The following B3GALNT2 variants were observed in gnomAD, a reference collection of about 807,000 sequenced individuals.
B3GALNT2 encodes the protein beta-1,3-N-acetylgalactosaminyltransferase 2.
A neutral mutation model predicts 61.1 loss-of-function variants in B3GALNT2; 53 were observed. The observed-to-expected ratio is 0.87, with a 90% CI of 0.70 to 1.09. The LOEUF (loss-of-function observed/expected upper bound fraction) is 1.09. Among genes scored for constraint, B3GALNT2 ranks in the 50% least tolerant of loss-of-function variants. The pLI is 0.00. For missense variants in B3GALNT2, 544 were observed against 623.0 expected, an observed-to-expected ratio of 0.87 and a Z score of 1.35; for synonymous variants, 223 against 237.4, an observed-to-expected ratio of 0.94 and a Z score of 0.56.
intron 1 of B3GALNT2, among the ~76,000 whole-genome samples, chr1:235,499,088 T>C (rs1462883240): frequency 1.3e-5 from 2 of 152,112 alleles, no homozygotes; most frequent in Non-Finnish European, 2.9e-5. Context: ...CATAAACACA[T>C]AAAGGACTCA....
At chr1:235,471,075 A>T in intron 5 of B3GALNT2, 115 bp from the exon 6 acceptor site, 1 of 1,498,082 alleles carries the variant, frequency 6.7e-7, no homozygotes, top group Non-Finnish European at 8.9e-7. Context: ...ATCATTTAAA[A>T]TTTTCACCCC....
chr1:235,471,548 T>C (rs1197141064), intron 5 of B3GALNT2, among the ~76,000 whole-genome samples: 1 of 152,232 alleles, frequency 6.6e-6, no homozygotes, highest in Non-Finnish European at 1.5e-5. Flanking sequence ...TATAGGGTTA[T>C]CAGCAATGTA....
intron 4 of B3GALNT2, among the ~76,000 whole-genome samples, chr1:235,480,876 A>C (rs425017): frequency 0.34 from 44,285 of 129,082 alleles, 7,933 homozygotes; most frequent in Non-Finnish European, 0.41. Flanking sequence ...ACTGCACTCC[A>C]GCCTGGACCG....
At chr1:235,494,285 C>CAT (rs200805773) in intron 2 of B3GALNT2, among the ~76,000 whole-genome samples, 112,288 of 151,806 alleles carry the variant, frequency 0.74, 42,679 homozygotes, top group African/African-American at 0.93. Flanking sequence ...AAATACTACA[C>CAT]GTTAACCAGT....
At chr1:235,481,559 G>GTC (rs1216001110) in intron 4 of B3GALNT2, among the ~76,000 whole-genome samples, 2 of 152,016 alleles carry the variant, frequency 1.3e-5, no homozygotes, top group South Asian at 2.1e-4. Context: ...GCCTAGGCTG[G>GTC]TCTCTAACTC....
intron 1 of B3GALNT2, chr1:235,496,230 G>A (rs1471137436): frequency 8.3e-6 from 2 of 239,626 alleles, no homozygotes; most frequent in Non-Finnish European, 1.6e-5. Flanking sequence ...AGAATCTCTT[G>A]AACCCGGGAG....
At chr1:235,451,722 G>C (rs1682910846) in intron 11 of B3GALNT2, 1 of 152,204 alleles carries the variant, frequency 6.6e-6, no homozygotes, top group Non-Finnish European at 1.5e-5. Context: ...GCTCTATGCA[G>C]GGCTTCTAAC....
At position 235,494,677 on chromosome 1, in the gene B3GALNT2, C is replaced by T. The variant is rs746251253; in HGVS notation, c.260+4G>A. On this transcript the variant is annotated splice_donor_region_variant and intron_variant, in intron 2 of 11. Coordinates refer to ENST00000366600, the MANE Select transcript of B3GALNT2 (RefSeq NM_152490.5). ...CAGGCAAGGCAACAACTCAGAAAACCTACCGTTGACTTAATGTGGGATGCT... is the reference window on the plus strand; with the variant it reads ...CAGGCAAGGCAACAACTCAGAAAACTTACCGTTGACTTAATGTGGGATGCT... The T allele has an allele frequency of 6.2e-7, 1 of 1,609,528 alleles. No individual in the cohort carries two copies. The highest frequency in any genetic ancestry group is 8.5e-7 in the Non-Finnish European group (1 of 1,177,432).
At chr1:235,468,398 C>A (rs1192930646) in intron 6 of B3GALNT2, among the ~76,000 whole-genome samples, 3 of 149,518 alleles carry the variant, frequency 2.0e-5, no homozygotes. Context: ...CTCCCAAAGG[C>A]AGATCATTTG....
rs546640124 is a variant in B3GALNT2, at chr1:235,448,462, A to G, written c.*1744T>C. The G allele has an allele frequency of 3.1e-6, 5 of 1,605,588 alleles. No individual in the cohort carries two copies. The African/African-American group carries it at 5.4e-5, about 17-fold the overall frequency. On this transcript the variant is annotated 3_prime_UTR_variant, in exon 12 of 12. Transcript: ENST00000366600. ...CAAAGTAAGTTGCCCAGCAAAATAC[A>G]AAGTCAAAGTCAAGCTTAGTCCTCG...
intron 3 of B3GALNT2, among the ~76,000 whole-genome samples, chr1:235,487,759 A>G (rs1188124218): frequency 2.0e-5 from 3 of 152,196 alleles, no homozygotes; most frequent in African/African-American, 7.2e-5. Context: ...GGTGACACAG[A>G]GAACCTAGTT....
chr1:235,486,916 C>A (rs972770521), intron 3 of B3GALNT2, among the ~76,000 whole-genome samples: 1 of 151,922 alleles, frequency 6.6e-6, no homozygotes, highest in African/African-American at 2.4e-5. Context: ...CGCCTATAAT[C>A]CCAGCACTTT....
chr1:235,463,003 A>T (rs1042847108), intron 7 of B3GALNT2, among the ~76,000 whole-genome samples: 2 of 152,236 alleles, frequency 1.3e-5, no homozygotes, highest in Non-Finnish European at 2.9e-5. Context: ...CAATGAGTAA[A>T]GAAAATGTGG....
chr1:235,457,190 T>C (rs763388287), intron 8 of B3GALNT2, among the ~76,000 whole-genome samples: 30 of 152,142 alleles, frequency 2.0e-4, no homozygotes, highest in Non-Finnish European at 3.8e-4. Context: ...TTAGACCATC[T>C]ACCCCTCAGG....
At chr1:235,441,774 C>G in the B3GALNT2 span, 1 of 1,571,284 alleles carries the variant, frequency 6.4e-7, no homozygotes, top group African/African-American at 1.3e-5. Flanking sequence ...CTTATAGTGG[C>G]CTTTGGTTTA....
At chr1:235,465,411 AGAATGAG>A in intron 7 of B3GALNT2, 1 of 530,754 alleles carries the variant, frequency 1.9e-6, no homozygotes, top group Non-Finnish European at 3.1e-6. Flanking sequence ...TGGGGAGGTA[AGAATGAG>A]GAGTAACTGC....
At chr1:235,446,371 T>G (rs191139254), downstream of B3GALNT2, among the ~76,000 whole-genome samples, 37 of 152,200 alleles carry the variant, frequency 2.4e-4, 1 homozygote, top group East Asian at 7.0e-3. Flanking sequence ...GAGACGGGGT[T>G]TCTCCATGTT....
At chr1:235,494,896 T>C in intron 1 of B3GALNT2, 68 bp from the exon 2 acceptor site, 1 of 1,347,076 alleles carries the variant, frequency 7.4e-7, no homozygotes, top group South Asian at 1.4e-5. Flanking sequence ...ATATGTATCA[T>C]AAGTTTATTA....
At chr1:235,502,302 C>T (rs1362697255) in intron 1 of B3GALNT2, among the ~76,000 whole-genome samples, 1 of 152,206 alleles carries the variant, frequency 6.6e-6, no homozygotes, top group South Asian at 2.1e-4. Flanking sequence ...CGTGAGGCAC[C>T]GCGCCGGGCC....
Sources: allele counts gnomAD v4.1 joint callset (sites outside exome capture counted in the v4.1 genomes callset), GRCh38; gene constraint gnomAD v4.1.1; transcripts MANE v1.5; gene names NCBI Gene and HGNC (gene_info 2026-07-23, HGNC 2026-07-21).